Variants in TP53BP1 observed in about 807,000 individuals in gnomAD.
The protein encoded by TP53BP1 is TP53-binding protein 1.
TP53BP1 carries 61 observed loss-of-function variants against 200.8 expected under a neutral mutation model. That is an observed-to-expected ratio of 0.30 (90% CI 0.25 to 0.38). The LOEUF (loss-of-function observed/expected upper bound fraction) is 0.38, where lower values mean the gene tolerates loss of function less well. Among genes scored for constraint, TP53BP1 ranks in the 10% least tolerant of loss-of-function variants. The pLI is 1.00. For synonymous variants in TP53BP1, 822 were observed against 844.3 expected (o/e 0.97, Z 0.46); for missense variants, 2,144 against 2,371.9 (o/e 0.90, Z 2.00).
At position 43,420,599 on chromosome 15, in the gene TP53BP1, G is replaced by A. The variant is rs746329471; in HGVS notation, c.4387C>T (p.Arg1463Cys). 6 of 1,614,096 alleles carry A rather than the reference G, an allele frequency of 3.7e-6. No homozygotes were observed. The highest frequency in any genetic ancestry group is 2.2e-5 in the East Asian group (1 of 44,872). Residue 1463 changes from arginine (R) to cysteine (C), a missense_variant, in exon 21 of 28, where the codon CGT becomes TGT. Physicochemically the swap from Arg to Cys is radical, Grantham distance 180 (BLOSUM62 -3). Coordinates refer to ENST00000382044, the MANE Select transcript of TP53BP1 (RefSeq NM_001141980.3). ...GGAATTTCTGGAGAGTCACTACGAC[G>A]CAAAGCACCAGCACCCACATCTGTT... ...RRTDVGAGAL[R>C]RSDSPEIPFQ...
upstream of TP53BP1, chr15:43,497,434 G>A: frequency 1.0e-6 from 1 of 985,402 alleles, no homozygotes; most frequent in Non-Finnish European, 1.2e-6. Flanking sequence ...GTCTGATGCT[G>A]TTGCCATTCC....
At position 43,447,419 on chromosome 15, in the gene TP53BP1, G is replaced by A. The variant is rs759443391; in HGVS notation, c.2783C>T (p.Pro928Leu). The change falls in exon 13 of 28, where the codon CCA (proline) becomes CTA (leucine). Residue 928 changes from proline to leucine, a missense_variant. Pro to Leu is a moderately conservative substitution (Grantham distance 98). This residue lies in a region of TP53BP1 where 1,700 missense variants were observed against 1,710.3 expected (regional missense o/e 0.99). Transcript: ENST00000382044. ...DIIPPLTGAT[P>L]PLIGHLKLEP... is the part of the protein sequence containing the mutation. The stretch of plus-strand genomic sequence containing the variant: ...CAATTTTAGGTGCCCAATAAGAGGT[G>A]GGGTTGCACCAGTCAATGGTGGGAT... 4 of 1,604,040 alleles carry A rather than the reference G, an allele frequency of 2.5e-6. No individual in the cohort carries two copies. Among genetic ancestry groups the A allele is most frequent in the Middle Eastern group, 1.7e-4 (1 of 6,060 alleles).
intron 14 of TP53BP1, among the ~76,000 whole-genome samples, chr15:43,443,402 CA>C (rs1416069884): frequency 2.6e-5 from 4 of 152,120 alleles, no homozygotes; most frequent in African/African-American, 9.7e-5. Flanking sequence ...ACTTCAAAAA[CA>C]AAGGGTGGCC....
In TP53BP1 at chr15:43,413,105, T is replaced by G; in HGVS notation, c.5305+14A>C. ...CCTATGTGTCAGAGCTCCCAGGGCT[T>G]CCTAAGGCCTTACCCTCCTCTTCTT... On this transcript the variant is annotated intron_variant, in intron 24 of 27. Transcript: ENST00000382044. The G allele has an allele frequency of 6.2e-7, 1 of 1,613,828 alleles. No individual in the cohort carries two copies. Among genetic ancestry groups the G allele is most frequent in the Non-Finnish European group, 8.5e-7 (1 of 1,179,812 alleles).
At chr15:43,440,505 A>T (rs2045902067) in intron 15 of TP53BP1, among the ~76,000 whole-genome samples, 1 of 140,048 alleles carries the variant, frequency 7.1e-6, no homozygotes, top group African/African-American at 2.8e-5. Flanking sequence ...ACAGAGTGAG[A>T]CTCCGTCTCA....
At position 43,475,641 on chromosome 15, in the gene TP53BP1, C is replaced by G; in HGVS notation, c.1009G>C (p.Ala337Pro). 6.2e-7 allele frequency: 1 copy of G among 1,613,992 alleles called. No individual in the cohort carries two copies. Among genetic ancestry groups the G allele is most frequent in the Non-Finnish European group, 8.5e-7 (1 of 1,180,018 alleles). The change falls in exon 9 of 28, where the codon GCT becomes CCT. Residue 337 changes from alanine to proline, a missense_variant. Ala to Pro is a conservative substitution (Grantham distance 27). Transcript: ENST00000382044. Reference sequence around the variant, plus strand: ...TGCAGAGTGGTGGCAGGAGTGGAAGCCAAAGAACACCCACCTTCCTCCCTT... The same window carrying G: ...TGCAGAGTGGTGGCAGGAGTGGAAGGCAAAGAACACCCACCTTCCTCCCTT... Reference protein sequence around the residue: ...PSREEGGCSLASTPATTLHLL... With the variant: ...PSREEGGCSLPSTPATTLHLL...
chr15:43,404,523 C>CTA lies in TP53BP1; in HGVS notation c.*2858_*2859dup. 7 of 1,614,188 alleles carry CTA rather than the reference C, an allele frequency of 4.3e-6. No homozygotes were observed. Among genetic ancestry groups the CTA allele is most frequent in the Non-Finnish European group, 5.9e-6 (7 of 1,180,020 alleles). On this transcript the variant is annotated 3_prime_UTR_variant, in exon 28 of 28. Coordinates refer to ENST00000382044, the MANE Select transcript of TP53BP1 (RefSeq NM_001141980.3). ...TGTTACGACTAGATTATAACAAATA[C>CTA]TATACCCAGGCTGGTGGAACTCTGG...
chr15:43,467,380 G>T (rs1035203264), intron 11 of TP53BP1, among the ~76,000 whole-genome samples: 1 of 152,084 alleles, frequency 6.6e-6, no homozygotes, highest in African/African-American at 2.4e-5. Context: ...AGGTATTCTT[G>T]AGAGACTTTT....
intron 3 of TP53BP1, 35 bp from the exon 4 acceptor site, chr15:43,491,788 AT>A: frequency 6.5e-7 from 1 of 1,538,600 alleles, no homozygotes; most frequent in Non-Finnish European, 9.0e-7. Context: ...CATGAAAGAC[AT>A]TTACCAACAA....
intron 1 of TP53BP1, among the ~76,000 whole-genome samples, chr15:43,498,406 G>A (rs2079192389): frequency 6.6e-6 from 1 of 152,186 alleles, no homozygotes; most frequent in Non-Finnish European, 1.5e-5. Context: ...ATAATGCACT[G>A]AGGATATATC....
intron 18 of TP53BP1, among the ~76,000 whole-genome samples, chr15:43,426,746 C>T (rs2045544618): frequency 6.6e-6 from 1 of 151,840 alleles, no homozygotes; most frequent in African/African-American, 2.4e-5. Flanking sequence ...GGCGCGGTGG[C>T]TCACACCTCC....
At chr15:43,500,523 A>G (rs917516267) in intron 1 of TP53BP1, among the ~76,000 whole-genome samples, 2 of 152,178 alleles carry the variant, frequency 1.3e-5, no homozygotes, top group Non-Finnish European at 2.9e-5. Context: ...TGTCTAAAAT[A>G]TAGAGAATAT....
intron 16 of TP53BP1, among the ~76,000 whole-genome samples, 175 bp from the exon 17 acceptor site, chr15:43,432,852 C>T (rs1446021774): frequency 6.6e-6 from 1 of 151,828 alleles, no homozygotes; most frequent in Non-Finnish European, 1.5e-5. Flanking sequence ...CTTGGGAGGC[C>T]TCTCATTATA....
chr15:43,489,437 G>C (rs1015404707), intron 4 of TP53BP1, among the ~76,000 whole-genome samples: 1 of 152,220 alleles, frequency 6.6e-6, no homozygotes, highest in African/African-American at 2.4e-5. Context: ...TGTTCTTAAA[G>C]AGGTACCATA....
intron 12 of TP53BP1, among the ~76,000 whole-genome samples, chr15:43,448,924 C>T (rs531967734): frequency 2.0e-5 from 3 of 152,126 alleles, no homozygotes; most frequent in East Asian, 1.9e-4. Context: ...GTCAGAAGTT[C>T]GAGACCAGCC....
chr15:43,474,943 C>T (rs1465905231), intron 9 of TP53BP1, among the ~76,000 whole-genome samples, 176 bp from the exon 10 acceptor site: 40 of 152,226 alleles, frequency 2.6e-4, no homozygotes, highest in Admixed American at 2.5e-3. Flanking sequence ...ACTTCAATAA[C>T]TATTTCCCAC....
rs118147882 is a variant in TP53BP1, at chr15:43,415,857, G to A, written c.4874-48C>T. 8,401 of 1,510,892 alleles carry A rather than the reference G, an allele frequency of 5.6e-3. 44 individuals are homozygous for A. The highest frequency in any genetic ancestry group is 0.012 in the Middle Eastern group (68 of 5,776). 93.6% of individuals were successfully genotyped at this position (1,510,892 alleles called of 1,614,324 possible). A position where few individuals can be genotyped will look rare whatever the true frequency, so the allele number is the denominator to read the frequency against. ...GGTTGGTCAAACTCTATGGTATGAGGCCCTGAACTCCAAGAAACTGGGCAG... is the reference window on the plus strand; with the variant it reads ...GGTTGGTCAAACTCTATGGTATGAGACCCTGAACTCCAAGAAACTGGGCAG... On this transcript the variant is annotated intron_variant, in intron 22 of 27. Transcript: ENST00000382044.
intron 23 of TP53BP1, chr15:43,414,013 G>GC: frequency 7.2e-6 from 3 of 414,900 alleles, no homozygotes; most frequent in South Asian, 5.4e-5. Context: ...TGCCAAGAGT[G>GC]CCCCCAATAA....
chr15:43,464,287 A>C (rs1444834090), intron 11 of TP53BP1, among the ~76,000 whole-genome samples: 1 of 152,242 alleles, frequency 6.6e-6, no homozygotes, highest in African/African-American at 2.4e-5. Flanking sequence ...TGTTATTAAT[A>C]CTGTTACAGA....
Sources: allele counts gnomAD v4.1 joint callset (sites outside exome capture counted in the v4.1 genomes callset), GRCh38; gene constraint gnomAD v4.1.1; regional missense constraint gnomAD v4.1.1; transcripts MANE v1.5; gene names NCBI Gene and HGNC (gene_info 2026-07-23, HGNC 2026-07-21).